The following PRLR variants were observed in gnomAD, a reference collection of about 807,000 sequenced individuals.
PRLR encodes the protein hPRL receptor.
A neutral mutation model predicts 40.2 loss-of-function variants in PRLR; 13 were observed. That is an observed-to-expected ratio of 0.32 (90% CI 0.21 to 0.51). The LOEUF is 0.51. Ranked by LOEUF, PRLR falls within the 20% of genes least tolerant of loss-of-function variation. The pLI, the probability that PRLR is intolerant of heterozygous loss-of-function variation, is 0.97. For missense variants in PRLR, 656 were observed against 747.3 expected (o/e 0.88, Z 1.42); for synonymous variants, 269 against 278.7 (o/e 0.97, Z 0.35).
At chr5:35,106,594 A>G (rs1401987550) in intron 2 of PRLR, among the ~76,000 whole-genome samples, 2 of 152,220 alleles carry the variant, frequency 1.3e-5, no homozygotes, top group African/African-American at 4.8e-5. Flanking sequence ...CTGAGAAAAC[A>G]GACTTGAAAC....
At chr5:35,121,108 G>C (rs140787840) in intron 1 of PRLR, among the ~76,000 whole-genome samples, 113 of 152,290 alleles carry the variant, frequency 7.4e-4, no homozygotes, top group African/African-American at 2.4e-3. Flanking sequence ...AAAACCATGG[G>C]GGGGTAGATT....
chr5:35,088,505 C>G (rs1300116202), intron 3 of PRLR, among the ~76,000 whole-genome samples: 1 of 152,150 alleles, frequency 6.6e-6, no homozygotes, highest in African/African-American at 2.4e-5. Flanking sequence ...GTCATTCTGA[C>G]CTCTGCTTTC....
At chr5:35,049,546 A>G in intron 8 of PRLR, 1 of 596,850 alleles carries the variant, frequency 1.7e-6, no homozygotes, top group South Asian at 2.1e-5. Context: ...AACAAACTCA[A>G]GCCTAGAATT....
chr5:35,173,838 C>CT (rs376438084), intron 1 of PRLR, among the ~76,000 whole-genome samples: 88 of 152,026 alleles, frequency 5.8e-4, no homozygotes, highest in African/African-American at 1.3e-3. Context: ...TTTCTTTTTA[C>CT]TTTTTTTATT....
chr5:35,127,083 G>T (rs1773496040), intron 1 of PRLR, among the ~76,000 whole-genome samples: 1 of 152,172 alleles, frequency 6.6e-6, no homozygotes, highest in African/African-American at 2.4e-5. Context: ...AGAACTCCTT[G>T]CTCCCAGTCC....
At chr5:35,178,668 A>G (rs1441295633) in intron 1 of PRLR, among the ~76,000 whole-genome samples, 3 of 152,212 alleles carry the variant, frequency 2.0e-5, no homozygotes, top group African/African-American at 7.2e-5. Context: ...ATAGTCTGTT[A>G]GAGAAGATTT....
intron 2 of PRLR, among the ~76,000 whole-genome samples, chr5:35,095,449 A>G (rs1771473465): frequency 6.6e-6 from 1 of 152,198 alleles, no homozygotes; most frequent in South Asian, 2.1e-4. Context: ...GGGGAATCTA[A>G]AGAAGTTTTA....
chr5:35,223,255 T>C (rs1776467871), intron 1 of PRLR, among the ~76,000 whole-genome samples: 1 of 152,274 alleles, frequency 6.6e-6, no homozygotes, highest in Non-Finnish European at 1.5e-5. Flanking sequence ...GATATAAAAA[T>C]CTTGGTTTTT....
chr5:35,151,143 C>T (rs150266284), intron 1 of PRLR, among the ~76,000 whole-genome samples: 1 of 152,310 alleles, frequency 6.6e-6, no homozygotes, highest in African/African-American at 2.4e-5. Flanking sequence ...CATGCTTGCT[C>T]TACTGAATTT....
chr5:35,050,782 TC>T, downstream of PRLR, among the ~76,000 whole-genome samples: 1 of 152,340 alleles, frequency 6.6e-6, no homozygotes, highest in South Asian at 2.1e-4. Context: ...AGTAATTCTT[TC>T]CCTCTCTTAA....
chr5:35,081,851 CTGACTT>C (rs1770545077), intron 5 of PRLR: 1 of 161,660 alleles, frequency 6.2e-6, no homozygotes. Flanking sequence ...GCTGTCTCCT[CTGACTT>C]TAACAGTGAC....
At chr5:35,113,521 TTATC>T (rs1426678999) in intron 2 of PRLR, among the ~76,000 whole-genome samples, 2 of 129,860 alleles carry the variant, frequency 1.5e-5, no homozygotes, top group Middle Eastern at 5.2e-3. Flanking sequence ...ACCCATCCAT[TTATC>T]TATCCATCCA....
At chr5:35,101,372 C>T (rs1295361956) in intron 2 of PRLR, among the ~76,000 whole-genome samples, 1 of 152,184 alleles carries the variant, frequency 6.6e-6, no homozygotes, top group African/African-American at 2.4e-5. Flanking sequence ...CTGAGACCTT[C>T]TTGATTCCTC....
chr5:35,184,671 C>CT (rs1221052604), intron 1 of PRLR, among the ~76,000 whole-genome samples: 1 of 152,216 alleles, frequency 6.6e-6, no homozygotes, highest in African/African-American at 2.4e-5. Flanking sequence ...TCAACTCTGC[C>CT]TGTTTCTTAT....
chr5:35,217,098 T>C (rs774811286), intron 1 of PRLR, among the ~76,000 whole-genome samples: 1 of 152,222 alleles, frequency 6.6e-6, no homozygotes, highest in Admixed American at 6.5e-5. Flanking sequence ...CGTATCCTTC[T>C]GGACATCCAA....
intron 1 of PRLR, among the ~76,000 whole-genome samples, chr5:35,131,158 C>A (rs148280941): frequency 3.0e-4 from 46 of 152,302 alleles, no homozygotes; most frequent in African/African-American, 1.1e-3. Context: ...CTACAAACAC[C>A]TTTTCTGCAA....
chr5:35,172,793 G>A (rs902254521), intron 1 of PRLR, among the ~76,000 whole-genome samples: 10 of 152,132 alleles, frequency 6.6e-5, no homozygotes, highest in African/African-American at 4.8e-5. Flanking sequence ...TTTTACTGCC[G>A]ATGTACTTTG....
At chr5:35,051,913 G>A (rs1412835731), downstream of PRLR, among the ~76,000 whole-genome samples, 2 of 152,132 alleles carry the variant, frequency 1.3e-5, no homozygotes. Context: ...AGCAATATCA[G>A]TATCAGAAAA....
chr5:35,151,833 AAC>A (rs910553547), intron 1 of PRLR, among the ~76,000 whole-genome samples: 3 of 152,184 alleles, frequency 2.0e-5, no homozygotes, highest in African/African-American at 7.2e-5. Flanking sequence ...GACATTACAC[AAC>A]AGACATAAGA....
Sources: gnomAD v4.1 joint callset for allele counts (sites outside exome capture counted in the v4.1 genomes callset) on GRCh38, gnomAD v4.1.1 for gene constraint, MANE v1.5 for transcripts, NCBI Gene and HGNC (gene_info 2026-07-23, HGNC 2026-07-21) for gene names.